ESRRB: variants seen among roughly 807,000 people sequenced by gnomAD.
ESRRB encodes steroid hormone receptor ERR2.
In ESRRB, 16 loss-of-function variants were observed where a neutral mutation model predicts 46.0. The observed-to-expected ratio is 0.35, with a 90% CI of 0.24 to 0.53. The LOEUF (loss-of-function observed/expected upper bound fraction) is 0.53, where lower values mean the gene tolerates loss of function less well. ESRRB is among the 20% of genes least tolerant of loss of function. The pLI is 0.93. For missense variants in ESRRB, 488 were observed against 607.4 expected, an observed-to-expected ratio of 0.80 and a Z score of 2.07; for synonymous variants, 246 against 259.6, an observed-to-expected ratio of 0.95 and a Z score of 0.50.
At chr14:76,371,368 G>A (rs1884621056), upstream of ESRRB, 1 of 152,278 alleles carries the variant, frequency 6.6e-6, no homozygotes, top group Non-Finnish European at 1.5e-5. Context: ...TGTGGTCAGG[G>A]ACATTTCCCC....
intron 1 of ESRRB, among the ~76,000 whole-genome samples, chr14:76,332,172 C>A (rs1884021161): frequency 6.6e-6 from 1 of 151,850 alleles, no homozygotes; most frequent in Non-Finnish European, 1.5e-5. Flanking sequence ...GCCCTCCCTG[C>A]AGAGGTGACA....
rs1441988789 is a variant in ESRRB, at chr14:76,499,837, C to T, written c.*1379C>T. 1.3e-6 allele frequency: 2 copies of T among 1,599,022 alleles called. No homozygotes were observed. The highest frequency in any genetic ancestry group is 1.7e-6 in the Non-Finnish European group (2 of 1,166,320). On this transcript the variant is annotated 3_prime_UTR_variant, in exon 7 of 7. Transcript: ENST00000644823. The stretch of plus-strand genomic sequence containing the variant: ...AAGTTTTCACTAACTCAAGGGGCAG[C>T]CCTGAACACCCATTTGTGCTCACAG...
intron 1 of ESRRB, among the ~76,000 whole-genome samples, chr14:76,384,411 C>G (rs908779847): frequency 2.6e-5 from 4 of 152,132 alleles, no homozygotes; most frequent in African/African-American, 9.7e-5. Flanking sequence ...TTCTTGCTCC[C>G]AAACATAAAT....
chr14:76,352,924 C>G (rs1278640115), intron 1 of ESRRB, among the ~76,000 whole-genome samples: 5 of 152,200 alleles, frequency 3.3e-5, no homozygotes, highest in Non-Finnish European at 5.9e-5. Flanking sequence ...CTGAGCGCTC[C>G]GCACACTCTG....
At chr14:76,412,442 T>C (rs1886483893) in intron 1 of ESRRB, among the ~76,000 whole-genome samples, 1 of 152,146 alleles carries the variant, frequency 6.6e-6, no homozygotes, top group Non-Finnish European at 1.5e-5. Flanking sequence ...TCTTTACCCC[T>C]CTACCTCTCC....
intron 3 of ESRRB, among the ~76,000 whole-genome samples, chr14:76,464,433 G>T (rs1308742324): frequency 6.6e-6 from 1 of 152,138 alleles, no homozygotes; most frequent in Non-Finnish European, 1.5e-5. Flanking sequence ...CCATTTCCAG[G>T]TCCCCCACTT....
Position 76,498,706 on chromosome 14 carries a change from T to A in ESRRB, c.*248T>A. 1 of 1,339,326 alleles carries A rather than the reference T, an allele frequency of 7.5e-7. No homozygotes were observed. The highest frequency in any genetic ancestry group is 1.1e-6 in the Non-Finnish European group (1 of 951,456). 83.0% of individuals were successfully genotyped at this position (1,339,326 alleles called of 1,614,324 possible). A position where few individuals can be genotyped will look rare whatever the true frequency, so the allele number is the denominator to read the frequency against. ...GCTTTTTCTTTGGTATGTCTTTCCT[T>A]CTCCATGGACGGTGCGGAGGCCTGG... On this transcript the variant is annotated 3_prime_UTR_variant, in exon 7 of 7. Transcript: ENST00000644823.
At chr14:76,405,801 A>C (rs569444212) in intron 1 of ESRRB, among the ~76,000 whole-genome samples, 1 of 151,602 alleles carries the variant, frequency 6.6e-6, no homozygotes, top group Admixed American at 6.6e-5. Flanking sequence ...AGCTACTAGG[A>C]AGGCTGAGGC....
At chr14:76,371,450 T>G (rs1884623267), upstream of ESRRB, 1 of 152,328 alleles carries the variant, frequency 6.6e-6, no homozygotes, top group South Asian at 2.1e-4. Context: ...CAGGCCCACC[T>G]TAGTCACTGT....
At chr14:76,384,827 C>G (rs1885154657) in intron 1 of ESRRB, among the ~76,000 whole-genome samples, 1 of 152,162 alleles carries the variant, frequency 6.6e-6, no homozygotes, top group Non-Finnish European at 1.5e-5. Flanking sequence ...AGTCATCTCT[C>G]CACCCTTGAT....
intron 1 of ESRRB, among the ~76,000 whole-genome samples, chr14:76,418,559 G>A (rs969407123): frequency 6.6e-6 from 1 of 152,164 alleles, no homozygotes; most frequent in Non-Finnish European, 1.5e-5. Context: ...CCCCTTGTCT[G>A]TGACAGTTTC....
At chr14:76,474,186 G>A (rs965815431) in intron 3 of ESRRB, among the ~76,000 whole-genome samples, 2 of 152,208 alleles carry the variant, frequency 1.3e-5, no homozygotes, top group Non-Finnish European at 2.9e-5. Flanking sequence ...CTGACTGACA[G>A]TAGTTACAAC....
At chr14:76,385,086 T>A (rs1291616799) in intron 1 of ESRRB, among the ~76,000 whole-genome samples, 2 of 152,182 alleles carry the variant, frequency 1.3e-5, no homozygotes, top group East Asian at 3.9e-4. Flanking sequence ...TCCTTTTTTG[T>A]ATATGTATCG....
At chr14:76,352,983 C>T (rs1261765248) in intron 1 of ESRRB, among the ~76,000 whole-genome samples, 1 of 152,218 alleles carries the variant, frequency 6.6e-6, no homozygotes, top group Non-Finnish European at 1.5e-5. Flanking sequence ...CGCCGCGCTC[C>T]TGCGGGCCGC....
At chr14:76,363,052 T>C (rs917008013) in intron 1 of ESRRB, among the ~76,000 whole-genome samples, 45 of 152,212 alleles carry the variant, frequency 3.0e-4, no homozygotes, top group African/African-American at 1.1e-3. Context: ...ACCCATCCTC[T>C]ACCCTATCCT....
intron 1 of ESRRB, among the ~76,000 whole-genome samples, chr14:76,390,654 A>G (rs925855666): frequency 6.6e-6 from 1 of 152,210 alleles, no homozygotes; most frequent in Non-Finnish European, 1.5e-5. Context: ...CGTGCCAGGT[A>G]GAGGAATGTA....
At chr14:76,383,596 A>AGAGG (rs1885102849) in intron 1 of ESRRB, among the ~76,000 whole-genome samples, 1 of 152,042 alleles carries the variant, frequency 6.6e-6, no homozygotes, top group African/African-American at 2.4e-5. Context: ...TTTTTATTCC[A>AGAGG]GCTTGCTGTA....
chr14:76,472,614 C>T lies in ESRRB; in HGVS notation c.578-9402C>T, dbSNP rs116153111. On this transcript the variant is annotated intron_variant, in intron 3 of 6. Transcript: ENST00000644823. ...CAAGCTTGCCTGTCACCCAGAAACC[C>T]GCACAGGACAGGTGGCTGAAGGAAG... 4.8e-3 allele frequency among the ~76,000 whole-genome samples: 736 copies of T among 152,328 alleles called. 7 individuals carry two copies. The highest frequency in any genetic ancestry group is 0.017 in the African/African-American group (700 of 41,566).
Position 76,500,615 on chromosome 14 carries a change from C to T in ESRRB, c.*2157C>T, listed in dbSNP as rs1001097285. On this transcript the variant is annotated 3_prime_UTR_variant, in exon 7 of 7. Coordinates refer to ENST00000644823, the MANE Select transcript of ESRRB (RefSeq NM_001379180.1). The stretch of plus-strand genomic sequence containing the variant: ...AGCGGGGCCGAGGTAGCACCCTGCT[C>T]TGTCACTTCCTGCTCAAGCTGGAGG... The T allele has an allele frequency of 6.7e-7, 1 of 1,481,556 alleles. No individual in the cohort carries two copies. The highest frequency in any genetic ancestry group is 1.4e-5 in the African/African-American group (1 of 72,402). 91.8% of individuals were successfully genotyped at this position (1,481,556 alleles called of 1,614,324 possible).
Sources: gnomAD v4.1 joint callset for allele counts (sites outside exome capture counted in the v4.1 genomes callset) on GRCh38, gnomAD v4.1.1 for gene constraint, MANE v1.5 for transcripts, NCBI Gene and HGNC (gene_info 2026-07-23, HGNC 2026-07-21) for gene names.